Variants in CHD7 observed in about 807,000 individuals in gnomAD.
The protein encoded by CHD7 is ATP-dependent chromatin remodeler CHD7.
A neutral mutation model predicts 307.3 loss-of-function variants in CHD7; 24 were observed. That is an observed-to-expected ratio of 0.08 (90% CI 0.06 to 0.11). The LOEUF (loss-of-function observed/expected upper bound fraction) is 0.11. Ranked by LOEUF, CHD7 falls within the 10% of genes least tolerant of loss-of-function variation. The pLI, the probability that CHD7 is intolerant of heterozygous loss-of-function variation, is 1.00. For missense variants in CHD7, 3,106 were observed against 3,727.1 expected, an observed-to-expected ratio of 0.83 and a Z score of 4.34; for synonymous variants, 1,363 against 1,349.9, an observed-to-expected ratio of 1.01 and a Z score of -0.21.
At chr8:60,855,213 A>G (rs889578727) in intron 32 of CHD7, 2 of 152,170 alleles carry the variant, frequency 1.3e-5, no homozygotes, top group Non-Finnish European at 2.9e-5. Flanking sequence ...AAACAAGGTG[A>G]AAATTTTGAC....
intron 1 of CHD7, among the ~76,000 whole-genome samples, chr8:60,736,782 T>A (rs528561097): frequency 3.0e-4 from 45 of 152,334 alleles, no homozygotes; most frequent in Middle Eastern, 6.8e-3. Flanking sequence ...AAATAGTGTT[T>A]GAGCTATAGG....
intron 1 of CHD7, among the ~76,000 whole-genome samples, chr8:60,696,754 T>C (rs1045807057): frequency 5.3e-5 from 8 of 152,046 alleles, no homozygotes; most frequent in Non-Finnish European, 7.4e-5. Flanking sequence ...AATTTTGTGG[T>C]ATAGACAGGA....
intron 6 of CHD7, 108 bp downstream of exon 6, chr8:60,801,701 C>G: frequency 1.4e-6 from 1 of 712,778 alleles, no homozygotes; most frequent in Non-Finnish European, 2.4e-6. Flanking sequence ...ATAAAACTTC[C>G]AGTAATATTT....
chr8:60,714,596 G>GC (rs1279702902), intron 1 of CHD7, among the ~76,000 whole-genome samples: 1 of 152,202 alleles, frequency 6.6e-6, no homozygotes, highest in African/African-American at 2.4e-5. Context: ...TGGCCACACT[G>GC]CCCCCCACTT....
chr8:60,800,421 C>T lies in CHD7; in HGVS notation c.2272C>T (p.Arg758Cys). Residue 758 changes from arginine (R) to cysteine (C), a missense_variant, in exon 5 of 38, where the codon CGC becomes TGC. Arg to Cys is a radical substitution (Grantham distance 180). Coordinates refer to ENST00000423902, the MANE Select transcript of CHD7 (RefSeq NM_017780.4). The part of the protein sequence containing the change: ...RRSSRQVKRK[R>C]YTEDLEFKIS... ...GTCCAGCAGACAGGTGAAGAGAAAGCGCTACACTGAAGACCTGGAGTTCAA... is the reference window on the plus strand; with the variant it reads ...GTCCAGCAGACAGGTGAAGAGAAAGTGCTACACTGAAGACCTGGAGTTCAA... The T allele has an allele frequency of 2.5e-6, 4 of 1,613,632 alleles. No individual in the cohort carries two copies. Among genetic ancestry groups the T allele is most frequent in the Non-Finnish European group, 2.5e-6 (3 of 1,179,720 alleles).
At chr8:60,699,224 T>C (rs547244067) in intron 1 of CHD7, among the ~76,000 whole-genome samples, 5 of 152,344 alleles carry the variant, frequency 3.3e-5, no homozygotes, top group African/African-American at 1.2e-4. Context: ...GTTTTCTAGA[T>C]TTTCCCATGT....
intron 4 of CHD7, among the ~76,000 whole-genome samples, chr8:60,796,790 A>G (rs1563608629): frequency 6.6e-6 from 1 of 152,198 alleles, no homozygotes; most frequent in Non-Finnish European, 1.5e-5. Context: ...GGTATGTCTG[A>G]CACAGGAAGT....
At chr8:60,809,659 G>A (rs1263895195) in intron 7 of CHD7, 1 of 109,516 alleles carries the variant, frequency 9.1e-6, no homozygotes, top group African/African-American at 3.5e-5. Context: ...GTGAGGTAAA[G>A]GGAGTTTTGA....
chr8:60,860,634 C>G (rs1183773322), intron 34 of CHD7, among the ~76,000 whole-genome samples: 1 of 152,122 alleles, frequency 6.6e-6, no homozygotes, highest in Non-Finnish European at 1.5e-5. Context: ...GGGGTTTCAC[C>G]ATGTTGGCCA....
intron 1 of CHD7, among the ~76,000 whole-genome samples, chr8:60,709,963 A>G (rs1031689406): frequency 6.6e-6 from 1 of 152,138 alleles, no homozygotes; most frequent in South Asian, 2.1e-4. Context: ...GATCATAAAT[A>G]TGGGTTGCTG....
intron 2 of CHD7, among the ~76,000 whole-genome samples, chr8:60,757,998 C>T (rs1809978597): frequency 6.6e-6 from 1 of 152,126 alleles, no homozygotes; most frequent in African/African-American, 2.4e-5. Context: ...CCCCAAAGAG[C>T]TTTTGTTTAT....
At position 60,793,136 on chromosome 8, in the gene CHD7, T is replaced by C. The variant is rs138438567; in HGVS notation, c.2097-1850T>C. Reference sequence around the variant, plus strand: ...TTCAGCTGTAGTATTGTATAATTTGTGGCAGTTAGAGCGGAAATAAATGCT... The same window carrying C: ...TTCAGCTGTAGTATTGTATAATTTGCGGCAGTTAGAGCGGAAATAAATGCT... On this transcript the variant is annotated intron_variant, in intron 3 of 37. Coordinates refer to ENST00000423902, the MANE Select transcript of CHD7 (RefSeq NM_017780.4). Among the ~76,000 whole-genome samples the C allele has an allele frequency of 4.4e-3, 670 of 152,276 alleles. 4 individuals carry two copies. The highest frequency in any genetic ancestry group is 0.016 in the African/African-American group (644 of 41,542).
chr8:60,736,988 A>G (rs1253143079), intron 1 of CHD7, among the ~76,000 whole-genome samples: 2 of 152,136 alleles, frequency 1.3e-5, no homozygotes, highest in Non-Finnish European at 2.9e-5. Flanking sequence ...ACTATATATA[A>G]AATAAATTTA....
chr8:60,813,809 T>C (rs1420814321), intron 7 of CHD7, among the ~76,000 whole-genome samples: 1 of 151,350 alleles, frequency 6.6e-6, no homozygotes, highest in Non-Finnish European at 1.5e-5. Context: ...ATTTTACTTA[T>C]ATTTACTTAT....
chr8:60,774,307 ACT>A (rs1485330498), intron 2 of CHD7, among the ~76,000 whole-genome samples: 12 of 152,152 alleles, frequency 7.9e-5, no homozygotes, highest in Non-Finnish European at 1.8e-4. Context: ...CAATAATATA[ACT>A]CACCTCACCA....
intron 23 of CHD7, among the ~76,000 whole-genome samples, chr8:60,847,184 CG>C (rs772070605): frequency 1.3e-5 from 2 of 152,178 alleles, no homozygotes; most frequent in African/African-American, 2.4e-5. Context: ...CCATGCTGGC[CG>C]TGAGTAGGCT....
intron 1 of CHD7, among the ~76,000 whole-genome samples, chr8:60,686,380 A>G (rs1041643494): frequency 1.3e-5 from 2 of 151,784 alleles, no homozygotes; most frequent in East Asian, 1.9e-4. Flanking sequence ...TTTAAAATAC[A>G]TTCTGTCATT....
At chr8:60,824,261 G>C (rs1804171843) in intron 13 of CHD7, 1 of 440,162 alleles carries the variant, frequency 2.3e-6, no homozygotes, top group Non-Finnish European at 4.0e-6. Context: ...ACTAAAGTGA[G>C]TTTCAAGTAT....
At chr8:60,764,259 G>T (rs1266391460) in intron 2 of CHD7, among the ~76,000 whole-genome samples, 1 of 152,164 alleles carries the variant, frequency 6.6e-6, no homozygotes, top group East Asian at 1.9e-4. Context: ...AAAGTGCTGG[G>T]ATTACAGGTG....
Sources: allele counts gnomAD v4.1 joint callset (sites outside exome capture counted in the v4.1 genomes callset), GRCh38; gene constraint gnomAD v4.1.1; transcripts MANE v1.5; gene names NCBI Gene and HGNC (gene_info 2026-07-23, HGNC 2026-07-21).